Variants in JAKMIP3 observed in about 807,000 individuals in gnomAD.
The protein encoded by JAKMIP3 is Janus kinase and microtubule interacting protein 3.
In JAKMIP3, 58 loss-of-function variants were observed where a neutral mutation model predicts 118.5. The ratio of observed to expected loss-of-function variants is 0.49; its 90% CI spans 0.40 to 0.61. JAKMIP3 has a LOEUF of 0.61. JAKMIP3 is among the 20% of genes least tolerant of loss of function. JAKMIP3 has a pLI of 0.00. For missense variants in JAKMIP3, 950 were observed against 1,109.0 expected, an observed-to-expected ratio of 0.86 and a Z score of 2.04; for synonymous variants, 486 against 451.2, an observed-to-expected ratio of 1.08 and a Z score of -0.98.
chr10:132,044,138 C>T lies in JAKMIP3; in HGVS notation c.-138+7400C>T, dbSNP rs982550401. Among the ~76,000 whole-genome samples, 7 of 152,194 alleles carry T rather than the reference C, an allele frequency of 4.6e-5. No homozygotes were observed. The highest frequency in any genetic ancestry group is 2.1e-4 in the South Asian group (1 of 4,830). On this transcript the variant is annotated intron_variant, in intron 1 of 23. Transcript: ENST00000657785. This position sits in a 1 kb window ranked among gnomAD's most constrained non-coding sequence, Gnocchi z 5.3. ...TGATGCTGCTCCCCTGGGACCAGCC[C>T]GATGCCTGGTGGGGGGGCTTCTCTG...
chr10:132,038,881 G>C (rs1183413245), intron 1 of JAKMIP3, among the ~76,000 whole-genome samples: 2 of 152,122 alleles, frequency 1.3e-5, no homozygotes, highest in Non-Finnish European at 2.9e-5. Context: ...ACGGGGTGTG[G>C]GTGTCCCCCT....
rs1162568019 is a variant in JAKMIP3 at position 132,183,605 on chromosome 10, GA to G, written c.*2354del. 6.6e-6 allele frequency: 1 copy of G among 152,192 alleles called. No individual in the cohort carries two copies. The highest frequency in any genetic ancestry group is 1.5e-5 in the Non-Finnish European group (1 of 68,030). The allele number at this position is 152,192 out of a possible 1,614,324, so 9.4% of individuals were successfully genotyped here. ...TTATATGTAAAAAGTATGTATATAG[GA>G]ACGGGAGAAGGTGCAAGGAATGTGC... is the stretch of plus-strand genomic sequence containing the variant. On this transcript the variant is annotated 3_prime_UTR_variant, in exon 24 of 24. Coordinates refer to ENST00000684848, the MANE Select transcript of JAKMIP3 (RefSeq NM_001323087.2).
intron 4 of JAKMIP3, 142 bp from the exon 5 acceptor site, chr10:132,134,898 GC>G: frequency 9.6e-7 from 1 of 1,045,164 alleles, no homozygotes; most frequent in Non-Finnish European, 1.4e-6. Flanking sequence ...TCCCCGGGGG[GC>G]TCCGAACCTT....
In JAKMIP3 at chr10:132,135,065, G is replaced by A; in HGVS notation, c.874G>A (p.Ala292Thr). The change falls in exon 5 of 24, where the codon GCC (alanine) becomes ACC (threonine). Residue 292 changes from alanine (A) to threonine (T), a missense_variant. Coordinates refer to ENST00000684848, the MANE Select transcript of JAKMIP3 (RefSeq NM_001323087.2). ...GGAACAGCAGTTGGATGAAAAAGATGCCCGGCGCTTCCAGCTTAAAATCGC... is the reference window on the plus strand; with the variant it reads ...GGAACAGCAGTTGGATGAAAAAGATACCCGGCGCTTCCAGCTTAAAATCGC... ...SPEQQLDEKD[A>T]RRFQLKIAEL... 1 of 1,613,636 alleles carries A rather than the reference G, an allele frequency of 6.2e-7. No homozygotes were observed. The highest frequency in any genetic ancestry group is 8.5e-7 in the Non-Finnish European group (1 of 1,179,598).
At chr10:132,047,550 T>C (rs1182768575) in intron 1 of JAKMIP3, among the ~76,000 whole-genome samples, 2 of 152,214 alleles carry the variant, frequency 1.3e-5, no homozygotes, top group Non-Finnish European at 2.9e-5. Flanking sequence ...CTAACATTGG[T>C]ACAACATCAT....
At chr10:132,041,470 C>T (rs555010558) in intron 1 of JAKMIP3, among the ~76,000 whole-genome samples, 7 of 152,246 alleles carry the variant, frequency 4.6e-5, no homozygotes, top group Admixed American at 3.3e-4. Flanking sequence ...CTGCCCCGGA[C>T]GGGCACAGCG....
chr10:132,175,397 C>T (rs2060048853), intron 23 of JAKMIP3, among the ~76,000 whole-genome samples: 1 of 152,126 alleles, frequency 6.6e-6, no homozygotes, highest in South Asian at 2.1e-4. Context: ...ATTAAAGTCC[C>T]TTCTGCTTGG....
intron 1 of JAKMIP3, among the ~76,000 whole-genome samples, chr10:132,068,966 A>AT (rs1208460212): frequency 6.6e-6 from 1 of 152,156 alleles, no homozygotes; most frequent in Non-Finnish European, 1.5e-5. Flanking sequence ...AGGATGAAGG[A>AT]TGTGACTGGA....
At chr10:132,064,584 A>G (rs999353031), upstream of JAKMIP3, among the ~76,000 whole-genome samples, 1 of 152,176 alleles carries the variant, frequency 6.6e-6, no homozygotes, top group African/African-American at 2.4e-5. This position sits in a 1 kb window ranked among gnomAD's most constrained non-coding sequence, Gnocchi z 4.4. Flanking sequence ...TTGGCGCTCC[A>G]GCCTCCTCCC....
chr10:132,102,315 C>T (rs772713968), intron 1 of JAKMIP3, among the ~76,000 whole-genome samples: 1 of 152,156 alleles, frequency 6.6e-6, no homozygotes, highest in Admixed American at 6.5e-5. Context: ...GAAGATGCCT[C>T]TGATGACGTC....
At chr10:132,180,768 T>TGTGCGC (rs1554963475) in intron 23 of JAKMIP3, among the ~76,000 whole-genome samples, 1 of 32,494 alleles carries the variant, frequency 3.1e-5, no homozygotes, top group Non-Finnish European at 5.9e-5. Flanking sequence ...TGCGTGTGTG[T>TGTGCGC]GCGTGTGTGT....
At chr10:132,167,112 CCT>C (rs2058986992) in intron 22 of JAKMIP3, 57 bp downstream of exon 22, 9 of 1,201,494 alleles carry the variant, frequency 7.5e-6, no homozygotes, top group Admixed American at 2.1e-5. Context: ...CCGGAAGACT[CCT>C]CTGCCCCTGC....
rs2047094092 is a variant in JAKMIP3, at chr10:132,112,893, C to T, written c.136-4184C>T. Among the ~76,000 whole-genome samples, 1 of 152,172 alleles carries T rather than the reference C, an allele frequency of 6.6e-6. No individual in the cohort carries two copies. Among genetic ancestry groups the T allele is most frequent in the Non-Finnish European group, 1.5e-5 (1 of 68,030 alleles). ...TCGCTCCCTCTGTCTTTCCCTTCTGCCCCCTTTGGCTGCTCCATTCTTTCC... is the reference window on the plus strand; with the variant it reads ...TCGCTCCCTCTGTCTTTCCCTTCTGTCCCCTTTGGCTGCTCCATTCTTTCC... On this transcript the variant is annotated intron_variant, in intron 2 of 23. Transcript: ENST00000684848. The surrounding 1 kb of genome is among the most constrained non-coding windows in gnomAD (Gnocchi z 4.3).
intron 3 of JAKMIP3, among the ~76,000 whole-genome samples, chr10:132,120,827 G>A (rs2048423331): frequency 6.6e-6 from 1 of 152,252 alleles, no homozygotes; most frequent in African/African-American, 2.4e-5. Flanking sequence ...AAAATCCCGT[G>A]GTGACGGACA....
intron 20 of JAKMIP3, among the ~76,000 whole-genome samples, chr10:132,164,403 C>T (rs568489817): frequency 9.2e-5 from 14 of 152,378 alleles, no homozygotes; most frequent in African/African-American, 2.6e-4. Context: ...ATTTCCCTGG[C>T]TGTCAGGCGT....
At position 132,138,195 on chromosome 10, in the gene JAKMIP3, C is replaced by G. The variant is rs553935481; in HGVS notation, c.1344+17C>G. 1.2e-6 allele frequency: 2 copies of G among 1,601,362 alleles called. No homozygotes were observed. The highest frequency in any genetic ancestry group is 2.3e-5 in the East Asian group (1 of 44,422). ...CTTCCCAAGGTAAGGAACAGCACAC[C>G]GGCACGTGCGGAGAGTACGCCGGGT... On this transcript the variant is annotated intron_variant, in intron 9 of 23. Coordinates refer to ENST00000684848, the MANE Select transcript of JAKMIP3 (RefSeq NM_001323087.2).
rs549702264 is a variant in JAKMIP3, at chr10:132,115,223, C to T, written c.136-1854C>T. Among the ~76,000 whole-genome samples the T allele has an allele frequency of 5.6e-3, 560 of 100,876 alleles. 5 individuals are homozygous for T. The highest frequency in any genetic ancestry group is 0.027 in the African/African-American group (524 of 19,626). The allele number at this position is 100,876 out of a possible 152,430, so 66.2% of individuals were successfully genotyped here. On this transcript the variant is annotated intron_variant, in intron 2 of 23. Coordinates refer to ENST00000684848, the MANE Select transcript of JAKMIP3 (RefSeq NM_001323087.2). ...CGATCGCGGCTAGGGGTCACCCTGCCGGGTCACCGCGATCGCGGCTAGGGG... is the reference window on the plus strand; with the variant it reads ...CGATCGCGGCTAGGGGTCACCCTGCTGGGTCACCGCGATCGCGGCTAGGGG...
intron 2 of JAKMIP3, among the ~76,000 whole-genome samples, chr10:132,109,570 C>T (rs2046531091): frequency 6.6e-6 from 1 of 152,186 alleles, no homozygotes. Flanking sequence ...AGTGAGACCT[C>T]AGCTCATTGC....
intron 23 of JAKMIP3, among the ~76,000 whole-genome samples, chr10:132,180,575 G>T (rs1376134349): frequency 1.9e-5 from 1 of 52,868 alleles, no homozygotes; most frequent in Non-Finnish European, 3.5e-5. Context: ...GTGCGTGTGT[G>T]TGTGCGTGCG....
Sources: gnomAD v4.1 joint callset for allele counts (sites outside exome capture counted in the v4.1 genomes callset) on GRCh38, gnomAD v4.1.1 for gene constraint, Gnocchi (gnomAD v3.1) non-coding constraint, MANE v1.5 for transcripts, NCBI Gene and HGNC (gene_info 2026-07-23, HGNC 2026-07-21) for gene names.